Variants in C19orf38 observed in about 807,000 individuals in gnomAD.
The protein encoded by C19orf38 is chromosome 19 open reading frame 38, also known as protein HIDE1.
A neutral mutation model predicts 26.6 loss-of-function variants in C19orf38; 14 were observed. The observed-to-expected ratio is 0.53, with a 90% CI of 0.35 to 0.82. The LOEUF is 0.82. Ranked by LOEUF, C19orf38 falls within the 40% of genes least tolerant of loss-of-function variation. The pLI is 0.01. For synonymous variants in C19orf38, 132 were observed against 128.5 expected (o/e 1.03, Z -0.18); for missense variants, 261 against 299.5 (o/e 0.87, Z 0.95).
At chr19:10,848,562 A>G (rs1177378522) in intron 1 of C19orf38, 23 bp downstream of exon 1, 1 of 1,327,512 alleles carries the variant, frequency 7.5e-7, no homozygotes. Context: ...CCCCCCTCTC[A>G]GATCCCCCAC....
At chr19:10,848,408 C>T (rs2073535422), upstream of C19orf38, 1 of 1,286,182 alleles carries the variant, frequency 7.8e-7, no homozygotes, top group Non-Finnish European at 1.1e-6. Context: ...GAGAATCAGC[C>T]CTGGTTCTCC....
intron 3 of C19orf38, 37 bp downstream of exon 3, chr19:10,856,394 T>C (rs1162237141): frequency 2.7e-6 from 4 of 1,501,240 alleles, no homozygotes; most frequent in Non-Finnish European, 3.6e-6. Context: ...AAGTTGCCAG[T>C]TGACAACTTC....
At chr19:10,847,815 T>G (rs2073530415), upstream of C19orf38, among the ~76,000 whole-genome samples, 2 of 152,164 alleles carry the variant, frequency 1.3e-5, no homozygotes, top group South Asian at 4.1e-4. Flanking sequence ...TGGTGCTGGT[T>G]AGGCTATGGT....
At chr19:10,858,456 G>A in intron 4 of C19orf38, 113 bp downstream of exon 4, 1 of 1,037,468 alleles carries the variant, frequency 9.6e-7, no homozygotes, top group Non-Finnish European at 1.4e-6. Context: ...TGGGCATGCT[G>A]CGTAATAGGA....
intron 1 of C19orf38, chr19:10,842,003 T>C (rs1033653868): frequency 1.2e-6 from 2 of 1,610,754 alleles, no homozygotes; most frequent in Admixed American, 1.7e-5. Context: ...GAAGCCAACA[T>C]CCTTTTGGAG....
At chr19:10,841,603 T>C (rs1041384550) in intron 1 of C19orf38, among the ~76,000 whole-genome samples, 5 of 151,852 alleles carry the variant, frequency 3.3e-5, no homozygotes, top group Non-Finnish European at 7.4e-5. Flanking sequence ...CCATGTCCCT[T>C]GAGTAAACAA....
intron 6 of C19orf38, 53 bp downstream of exon 6, chr19:10,863,260 G>A: frequency 1.3e-6 from 2 of 1,529,990 alleles, no homozygotes; most frequent in Non-Finnish European, 1.8e-6. Context: ...CCTACCGGGA[G>A]AACGGGGCGG....
rs1171064115 is a variant in C19orf38 at position 10,858,487 on chromosome 19, G to A, written c.461+144G>A. On this transcript the variant is annotated intron_variant, in intron 4 of 6. Coordinates refer to ENST00000397820, the MANE Select transcript of C19orf38 (RefSeq NM_001136482.3). ...TAGGAACAGGAGCCATTTATTAAGT[G>A]CCTCCTGTGTGCTGGAGGACTGAGC... The A allele has an allele frequency of 1.4e-5, 11 of 765,960 alleles. No homozygotes were observed. In the East Asian group the frequency reaches 2.8e-4, roughly 19 times the overall value. The allele number at this position is 765,960 out of a possible 1,614,324, so 47.4% of individuals were successfully genotyped here.
At chr19:10,856,479 C>A in intron 3 of C19orf38, 122 bp downstream of exon 3, 1 of 618,668 alleles carries the variant, frequency 1.6e-6, no homozygotes, top group Non-Finnish European at 2.7e-6. Flanking sequence ...TTCATCACAC[C>A]CCTTTTAAAA....
intron 2 of C19orf38, among the ~76,000 whole-genome samples, chr19:10,853,473 A>G (rs967359796): frequency 7.9e-5 from 11 of 139,558 alleles, no homozygotes; most frequent in African/African-American, 3.0e-4. Flanking sequence ...TTTAGTAGAG[A>G]TGGGGTTTCA....
intron 2 of C19orf38, among the ~76,000 whole-genome samples, chr19:10,851,567 C>T (rs895875072): frequency 9.2e-5 from 14 of 152,116 alleles, no homozygotes; most frequent in South Asian, 2.1e-4. Context: ...GACATGGTAG[C>T]TCATGCTTGT....
chr19:10,865,527 G>GAGGCC (rs1205346071), intron 6 of C19orf38, among the ~76,000 whole-genome samples: 1 of 151,912 alleles, frequency 6.6e-6, no homozygotes, highest in Admixed American at 6.6e-5. Flanking sequence ...ATCACTTTAA[G>GAGGCC]AGGCCGAGGT....
intron 4 of C19orf38, 27 bp from the exon 5 acceptor site, chr19:10,859,888 G>C (rs138369304): frequency 6.5e-7 from 1 of 1,550,332 alleles, no homozygotes; most frequent in Admixed American, 2.0e-5. Flanking sequence ...CCTGATCCCT[G>C]TCACTTTCTC....
intron 3 of C19orf38, among the ~76,000 whole-genome samples, chr19:10,857,354 ATATATATATATATTT>A (rs1278899852): frequency 1.3e-5 from 1 of 78,642 alleles, no homozygotes; most frequent in African/African-American, 1.1e-4. Flanking sequence ...ATATATATAT[ATATATATATATATTT>A]TTTTTTTTTT....
intron 1 of C19orf38, among the ~76,000 whole-genome samples, chr19:10,837,984 G>T (rs999085967): frequency 2.0e-5 from 3 of 152,026 alleles, no homozygotes; most frequent in Non-Finnish European, 2.9e-5. Context: ...TAGACATGAG[G>T]TTTCCCTGTG....
At chr19:10,842,237 C>G (rs868187767) in intron 1 of C19orf38, 3 of 1,174,228 alleles carry the variant, frequency 2.6e-6, no homozygotes, top group Middle Eastern at 4.4e-4. Flanking sequence ...AGAACCATCT[C>G]TTGGAAAACA....
chr19:10,847,411 T>G (rs1164072182), upstream of C19orf38, among the ~76,000 whole-genome samples: 1 of 150,886 alleles, frequency 6.6e-6, no homozygotes, highest in African/African-American at 2.4e-5. Flanking sequence ...TTCACTCTTG[T>G]TGCCCAGGCT....
chr19:10,837,377 G>A (rs1347897444), intron 1 of C19orf38, among the ~76,000 whole-genome samples: 1 of 151,152 alleles, frequency 6.6e-6, no homozygotes, highest in Non-Finnish European at 1.5e-5. Flanking sequence ...TGTAATATCA[G>A]TTTGGTATTC....
At position 10,869,526 on chromosome 19, in the gene C19orf38, A is replaced by T; in HGVS notation, c.*159A>T. Reference sequence around the variant, plus strand: ...GGGATTTTCATCACAGAGGAGTGGGAGAGGGGACACAGGCATGGGCCTGGC... The same window carrying T: ...GGGATTTTCATCACAGAGGAGTGGGTGAGGGGACACAGGCATGGGCCTGGC... On this transcript the variant is annotated 3_prime_UTR_variant, in exon 7 of 7. Transcript: ENST00000397820. The T allele has an allele frequency of 9.2e-7, 1 of 1,084,104 alleles. No homozygotes were observed. The highest frequency in any genetic ancestry group is 1.3e-6 in the Non-Finnish European group (1 of 782,274). 67.2% of individuals were successfully genotyped at this position (1,084,104 alleles called of 1,614,324 possible). A position where few individuals can be genotyped will look rare whatever the true frequency, so the allele number is the denominator to read the frequency against.
Sources: gnomAD v4.1 joint callset for allele counts (sites outside exome capture counted in the v4.1 genomes callset) on GRCh38, gnomAD v4.1.1 for gene constraint, MANE v1.5 for transcripts, NCBI Gene and HGNC (gene_info 2026-07-23, HGNC 2026-07-21) for gene names.